TJP1: variants seen among roughly 807,000 people sequenced by gnomAD.
TJP1 encodes the protein tight junction protein ZO-1.
Under a neutral mutation model 194.2 loss-of-function variants are expected in TJP1, and 43 were observed. The ratio of observed to expected loss-of-function variants is 0.22; its 90% CI spans 0.17 to 0.29. The LOEUF is 0.29. TJP1 is among the 10% of genes least tolerant of loss of function. The pLI, the probability that TJP1 is intolerant of heterozygous loss-of-function variation, is 1.00. For synonymous variants in TJP1, 801 were observed against 779.0 expected (o/e 1.03, Z -0.47); for missense variants, 1,971 against 2,185.7 (o/e 0.90, Z 1.96).
At chr15:29,762,989 T>C (rs927810010) in intron 5 of TJP1, among the ~76,000 whole-genome samples, 1 of 152,198 alleles carries the variant, frequency 6.6e-6, no homozygotes, top group African/African-American at 2.4e-5. Context: ...TTATCATGCA[T>C]ATACTACTTC....
chr15:29,928,013 A>G (rs1355263097), intron 2 of TJP1, among the ~76,000 whole-genome samples: 1 of 152,140 alleles, frequency 6.6e-6, no homozygotes, highest in African/African-American at 2.4e-5. Context: ...CTCGGAGGAG[A>G]AATATCTATC....
At position 29,882,107 on chromosome 15, in the gene TJP1, G is replaced by C. The variant is rs573316560; in HGVS notation, c.306+74125C>G. Among the ~76,000 whole-genome samples, 15 of 152,236 alleles carry C rather than the reference G, an allele frequency of 9.9e-5. No homozygotes were observed. In the South Asian group the frequency reaches 3.1e-3, roughly 32 times the overall value. ...AATGTGTTGCTGTGCTGGATACTGA[G>C]AAGTCAGACTACAAACCTCTGTCCT... On this transcript the variant is annotated intron_variant, in intron 2 of 28. Transcript: ENST00000356107.
At chr15:29,750,190 T>G (rs1375878591) in intron 8 of TJP1, among the ~76,000 whole-genome samples, 1 of 152,102 alleles carries the variant, frequency 6.6e-6, no homozygotes, top group Admixed American at 6.5e-5. Flanking sequence ...GTATTTTTAG[T>G]AGAGACAGGG....
Position 29,718,888 on chromosome 15 carries a change from G to C in TJP1, c.3254C>G (p.Pro1085Arg). 6.2e-7 allele frequency: 1 copy of C among 1,614,190 alleles called. No homozygotes were observed. The highest frequency in any genetic ancestry group is 1.3e-5 in the African/African-American group (1 of 75,040). ...ATATGACCACTGTTCTTCATACATG[G>C]GGACGCGATCTTCGTATCGCAGACG... is the stretch of plus-strand genomic sequence containing the variant. ...EHRLRYEDRV[P>R]MYEEQWSYYD... is the part of the protein sequence containing the mutation. The change falls in exon 21 of 28, where the codon CCC becomes CGC. Residue 1085 changes from proline (P) to arginine (R), a missense_variant. Physicochemically the swap from Pro to Arg is moderately radical, Grantham distance 103. Around this residue, in one of 5 missense-constraint regions of TJP1, gnomAD observed 1,108 missense variants for 1,128.5 expected, o/e 0.98. Transcript: ENST00000614355.
chr15:29,932,194 T>TG (rs373962822), intron 2 of TJP1, among the ~76,000 whole-genome samples: 14 of 152,352 alleles, frequency 9.2e-5, no homozygotes, highest in African/African-American at 3.4e-4. Flanking sequence ...CTATTCAAGA[T>TG]GGAGTTGCTC....
At chr15:29,944,370 C>G (rs746395624) in intron 2 of TJP1, among the ~76,000 whole-genome samples, 5 of 152,120 alleles carry the variant, frequency 3.3e-5, no homozygotes, top group Non-Finnish European at 5.9e-5. Flanking sequence ...GCTGGGATTA[C>G]AGGCGTGAGC....
intron 1 of TJP1, among the ~76,000 whole-genome samples, chr15:29,812,587 A>G (rs1288070145): frequency 6.6e-6 from 1 of 152,120 alleles, no homozygotes; most frequent in Non-Finnish European, 1.5e-5. Context: ...CTTACCTAAC[A>G]CCATCCCATA....
Position 29,959,188 on chromosome 15 carries a change from A to G in TJP1, c.174-2824T>C, listed in dbSNP as rs60219401. Among the ~76,000 whole-genome samples, 1,003 of 151,448 alleles carry G rather than the reference A, an allele frequency of 6.6e-3. 18 individuals carry two copies. Among genetic ancestry groups the G allele is most frequent in the African/African-American group, 0.023 (967 of 41,256 alleles). ...GTATTTTTAGTAGAGACGGGGTTTC[A>G]CCATGTTAGCCAGGATGGTCTCCAT... On this transcript the variant is annotated intron_variant, in intron 1 of 28. Coordinates refer to the TJP1 transcript ENST00000356107.
intron 2 of TJP1, among the ~76,000 whole-genome samples, chr15:29,842,984 A>AT (rs923998495): frequency 2.0e-5 from 3 of 152,136 alleles, no homozygotes; most frequent in South Asian, 2.1e-4. Context: ...ATAATCACTG[A>AT]TTTTTTTAAA....
At chr15:29,849,950 C>T (rs1021231447) in intron 2 of TJP1, among the ~76,000 whole-genome samples, 1 of 152,020 alleles carries the variant, frequency 6.6e-6, no homozygotes, top group Non-Finnish European at 1.5e-5. Flanking sequence ...ATGCATGGCC[C>T]TGTGGGTTCC....
intron 2 of TJP1, among the ~76,000 whole-genome samples, chr15:29,851,311 C>A (rs1434592027): frequency 1.3e-5 from 2 of 152,076 alleles, no homozygotes; most frequent in African/African-American, 4.8e-5. Flanking sequence ...ACAGACCCTA[C>A]AGTCGTTATT....
chr15:29,832,725 T>G lies in TJP1; in HGVS notation c.307-32023A>C, dbSNP rs190341619. On this transcript the variant is annotated intron_variant, in intron 2 of 28. Transcript: ENST00000356107. Reference sequence around the variant, plus strand: ...CTATCAAACCAAGTAGTTACTCCACTGATAGAGGCAGATGTGGGAAGATAA... The same window carrying G: ...CTATCAAACCAAGTAGTTACTCCACGGATAGAGGCAGATGTGGGAAGATAA... Among the ~76,000 whole-genome samples the G allele has an allele frequency of 3.2e-4, 49 of 152,360 alleles. 1 individual carries two copies. Among genetic ancestry groups the G allele is most frequent in the East Asian group, 2.9e-3 (15 of 5,186 alleles).
At chr15:29,813,170 A>G (rs2049651487) in intron 1 of TJP1, among the ~76,000 whole-genome samples, 1 of 152,130 alleles carries the variant, frequency 6.6e-6, no homozygotes, top group Admixed American at 6.5e-5. Flanking sequence ...TCTTACTACT[A>G]AAACATACTT....
At chr15:29,949,596 C>T (rs2055521457) in intron 2 of TJP1, among the ~76,000 whole-genome samples, 9 of 126,692 alleles carry the variant, frequency 7.1e-5, no homozygotes, top group African/African-American at 2.6e-4. Flanking sequence ...ACCTCCACAA[C>T]CACCACCTCC....
At chr15:29,896,534 G>A (rs1025361181) in intron 2 of TJP1, among the ~76,000 whole-genome samples, 3 of 152,308 alleles carry the variant, frequency 2.0e-5, no homozygotes, top group East Asian at 3.9e-4. Context: ...AAAGATACCC[G>A]AAAATGTGGA....
In TJP1 at chr15:29,704,414, T is replaced by A. The variant is rs45576137; in HGVS notation, c.5069-109A>T. The A allele has an allele frequency of 1.8e-4, 250 of 1,373,534 alleles. No individual in the cohort carries two copies. In the African/African-American group the frequency reaches 3.2e-3, roughly 18 times the overall value. The allele number at this position is 1,373,534 out of a possible 1,614,324, so 85.1% of individuals were successfully genotyped here. On this transcript the variant is annotated intron_variant, in intron 26 of 27. Coordinates refer to ENST00000614355, the MANE Select transcript of TJP1 (RefSeq NM_001330239.4). ...TATATGCTTGAAAGCCTAATGGAGT[T>A]AGTTCTCTACAGTCGCACTGACCAC...
chr15:29,888,140 GA>G (rs1341969512), intron 2 of TJP1, among the ~76,000 whole-genome samples: 1 of 151,730 alleles, frequency 6.6e-6, no homozygotes, highest in East Asian at 1.9e-4. Flanking sequence ...AAATGTTAAA[GA>G]AAAAATCAAG....
At chr15:29,744,038 G>A (rs1027690723) in intron 8 of TJP1, among the ~76,000 whole-genome samples, 2 of 152,078 alleles carry the variant, frequency 1.3e-5, no homozygotes, top group Non-Finnish European at 2.9e-5. Context: ...AATTAGCCCG[G>A]CGTGGTGGCA....
chr15:29,846,143 C>T (rs2051399260), intron 2 of TJP1, among the ~76,000 whole-genome samples: 3 of 152,200 alleles, frequency 2.0e-5, no homozygotes, highest in African/African-American at 7.2e-5. Context: ...CTGCACTCAA[C>T]TGATCTTTAA....
Sources: allele counts gnomAD v4.1 joint callset (sites outside exome capture counted in the v4.1 genomes callset), GRCh38; gene constraint gnomAD v4.1.1; regional missense constraint gnomAD v4.1.1; transcripts MANE v1.5; gene names NCBI Gene and HGNC (gene_info 2026-07-23, HGNC 2026-07-21).